PTPRR: variants seen among roughly 807,000 people sequenced by gnomAD.
The protein encoded by PTPRR is protein tyrosine phosphatase receptor type R.
PTPRR carries 38 observed loss-of-function variants against 77.2 expected under a neutral mutation model. The ratio of observed to expected loss-of-function variants is 0.49; its 90% CI spans 0.38 to 0.65. The LOEUF is 0.65. Among genes scored for constraint, PTPRR ranks in the 30% least tolerant of loss-of-function variants. The pLI, the probability that PTPRR is intolerant of heterozygous loss-of-function variation, is 0.00. For missense variants in PTPRR, 744 were observed against 799.2 expected, an observed-to-expected ratio of 0.93 and a Z score of 0.83; for synonymous variants, 299 against 283.1, an observed-to-expected ratio of 1.06 and a Z score of -0.57.
chr12:70,775,782 C>G (rs997257861), intron 2 of PTPRR, among the ~76,000 whole-genome samples: 1 of 151,182 alleles, frequency 6.6e-6, no homozygotes, highest in Non-Finnish European at 1.5e-5. Context: ...AATGTGCCCC[C>G]CAACCCTTTT....
intron 10 of PTPRR, among the ~76,000 whole-genome samples, chr12:70,675,093 ATATTCTTTTGAGAAT>A (rs1323085820): frequency 4.6e-5 from 7 of 152,074 alleles, no homozygotes; most frequent in Non-Finnish European, 8.8e-5. Context: ...TCTTTTGAGA[ATATTCTTTTGAGAAT>A]TATTCTTTTG....
At chr12:70,794,214 G>T (rs749197446) in intron 2 of PTPRR, among the ~76,000 whole-genome samples, 1 of 152,182 alleles carries the variant, frequency 6.6e-6, no homozygotes, top group Non-Finnish European at 1.5e-5. Flanking sequence ...TTTGTAAAAG[G>T]TGTTTGTTGC....
At chr12:70,780,949 C>T (rs1396800592) in intron 2 of PTPRR, among the ~76,000 whole-genome samples, 2 of 152,172 alleles carry the variant, frequency 1.3e-5, no homozygotes, top group Admixed American at 6.5e-5. Flanking sequence ...GTAAAGTAAG[C>T]CCAAAGGCAT....
chr12:70,704,022 G>T (rs977276912), intron 6 of PTPRR, among the ~76,000 whole-genome samples: 2 of 152,184 alleles, frequency 1.3e-5, no homozygotes, highest in Admixed American at 1.3e-4. Context: ...GAAGCAGTTT[G>T]AGCTAGAGTT....
At chr12:70,880,508 GT>G (rs903228891) in intron 2 of PTPRR, among the ~76,000 whole-genome samples, 1 of 151,636 alleles carries the variant, frequency 6.6e-6, no homozygotes, top group East Asian at 1.9e-4. Flanking sequence ...GTTTTGTTTT[GT>G]TTTTTTCATT....
intron 2 of PTPRR, among the ~76,000 whole-genome samples, chr12:70,836,296 C>G (rs1385883255): frequency 6.8e-6 from 1 of 147,776 alleles, no homozygotes; most frequent in Non-Finnish European, 1.5e-5. Flanking sequence ...GGCAGTATCT[C>G]AAGACATGTG....
chr12:70,660,894 A>G, intron 12 of PTPRR, 46 bp downstream of exon 12: 1 of 1,539,574 alleles, frequency 6.5e-7, no homozygotes, highest in Non-Finnish European at 8.7e-7. Flanking sequence ...GTGACTTTAC[A>G]AAGAATGGGC....
At chr12:70,834,472 C>T (rs1195945336) in intron 2 of PTPRR, among the ~76,000 whole-genome samples, 1 of 152,146 alleles carries the variant, frequency 6.6e-6, no homozygotes, top group Non-Finnish European at 1.5e-5. Flanking sequence ...AAAATTGGCT[C>T]ACTTTCTCAA....
At chr12:70,826,686 T>C (rs1223469900) in intron 2 of PTPRR, among the ~76,000 whole-genome samples, 1 of 152,192 alleles carries the variant, frequency 6.6e-6, no homozygotes, top group Non-Finnish European at 1.5e-5. Context: ...CAGAAACTAA[T>C]GACATGAATA....
intron 2 of PTPRR, among the ~76,000 whole-genome samples, chr12:70,863,372 A>C (rs1342475529): frequency 6.6e-6 from 1 of 152,176 alleles, no homozygotes; most frequent in Non-Finnish European, 1.5e-5. Flanking sequence ...CAAAAAGCCA[A>C]GTCCTGATGA....
chr12:70,657,399 G>C (rs1469658045), intron 12 of PTPRR, among the ~76,000 whole-genome samples: 1 of 152,184 alleles, frequency 6.6e-6, no homozygotes, highest in East Asian at 1.9e-4. Context: ...ATATTTCCAA[G>C]AGATTTGTAT....
chr12:70,747,883 AG>A (rs776505901), intron 5 of PTPRR, among the ~76,000 whole-genome samples: 1 of 152,210 alleles, frequency 6.6e-6, no homozygotes, highest in Non-Finnish European at 1.5e-5. Context: ...ACTTGGCAAT[AG>A]GGTAGTTGTC....
At chr12:70,878,940 A>G (rs1893101683) in intron 2 of PTPRR, among the ~76,000 whole-genome samples, 1 of 152,212 alleles carries the variant, frequency 6.6e-6, no homozygotes, top group Non-Finnish European at 1.5e-5. Flanking sequence ...GGATGAGTTC[A>G]TGTCCTTTGT....
chr12:70,665,094 T>C (rs1484844745), intron 10 of PTPRR, among the ~76,000 whole-genome samples: 1 of 152,198 alleles, frequency 6.6e-6, no homozygotes, highest in East Asian at 1.9e-4. Context: ...ACACTAATTG[T>C]AGGTGATTCA....
intron 2 of PTPRR, among the ~76,000 whole-genome samples, chr12:70,882,530 G>A (rs754003564): frequency 2.6e-5 from 4 of 152,248 alleles, no homozygotes; most frequent in South Asian, 2.1e-4. Flanking sequence ...CCGGCAAGAC[G>A]CAAGAGTTTG....
intron 8 of PTPRR, among the ~76,000 whole-genome samples, chr12:70,685,182 C>G (rs758421788): frequency 5.9e-5 from 9 of 152,114 alleles, no homozygotes; most frequent in Non-Finnish European, 1.3e-4. Flanking sequence ...ATTTTACTAT[C>G]TCATCTCATT....
intron 2 of PTPRR, among the ~76,000 whole-genome samples, chr12:70,838,633 A>C (rs1252511565): frequency 3.9e-5 from 6 of 152,186 alleles, no homozygotes; most frequent in Non-Finnish European, 8.8e-5. Context: ...AAAATAAATA[A>C]AAATGATATC....
chr12:70,858,081 G>T (rs1892683272), intron 2 of PTPRR, among the ~76,000 whole-genome samples: 1 of 152,088 alleles, frequency 6.6e-6, no homozygotes, highest in Non-Finnish European at 1.5e-5. Context: ...CTAGAGACAG[G>T]CCATTCCTGT....
chr12:70,906,670 A>T (rs1893627458), intron 1 of PTPRR, among the ~76,000 whole-genome samples: 1 of 152,102 alleles, frequency 6.6e-6, no homozygotes. Context: ...TCTGTGCCTT[A>T]GTTATGTTCC....
Sources: gnomAD v4.1 joint callset for allele counts (sites outside exome capture counted in the v4.1 genomes callset) on GRCh38, gnomAD v4.1.1 for gene constraint, MANE v1.5 for transcripts, NCBI Gene and HGNC (gene_info 2026-07-23, HGNC 2026-07-21) for gene names.